ARHGAP21: variants seen among roughly 807,000 people sequenced by gnomAD.
ARHGAP21 encodes the protein Rho GTPase activating protein 21.
Under a neutral mutation model 164.6 loss-of-function variants are expected in ARHGAP21, and 38 were observed. The ratio of observed to expected loss-of-function variants is 0.23; its 90% CI spans 0.18 to 0.30. The LOEUF (loss-of-function observed/expected upper bound fraction) is 0.30. ARHGAP21 is among the 10% of genes least tolerant of loss of function. ARHGAP21 has a pLI of 1.00. For synonymous variants in ARHGAP21, 766 were observed against 857.9 expected, an observed-to-expected ratio of 0.89 and a Z score of 1.87; for missense variants, 1,822 against 2,370.7, an observed-to-expected ratio of 0.77 and a Z score of 4.81.
chr10:24,607,672 T>C, intron 10 of ARHGAP21, 71 bp from the exon 11 acceptor site: 1 of 1,609,738 alleles, frequency 6.2e-7, no homozygotes, highest in African/African-American at 1.3e-5. Flanking sequence ...GGTGGAAACA[T>C]CAGTTTATCA....
intron 4 of ARHGAP21, among the ~76,000 whole-genome samples, chr10:24,637,053 A>C (rs978963146): frequency 1.3e-5 from 2 of 152,204 alleles, no homozygotes; most frequent in African/African-American, 4.8e-5. Context: ...CAAGATGGGC[A>C]TTATGATCCT....
chr10:24,686,284 C>T (rs1191032462), intron 2 of ARHGAP21, among the ~76,000 whole-genome samples: 1 of 151,956 alleles, frequency 6.6e-6, no homozygotes, highest in African/African-American at 2.4e-5. Context: ...TAAAAATCAG[C>T]CAGACATAGT....
intron 9 of ARHGAP21, among the ~76,000 whole-genome samples, chr10:24,612,592 C>G (rs542016283): frequency 8.5e-5 from 13 of 152,308 alleles, no homozygotes; most frequent in Admixed American, 7.8e-4. Context: ...TGGTGGCTCA[C>G]GCCTGTAATC....
chr10:24,704,472 T>C (rs1421853772), intron 2 of ARHGAP21, among the ~76,000 whole-genome samples: 1 of 149,640 alleles, frequency 6.7e-6, no homozygotes, highest in Non-Finnish European at 1.5e-5. Flanking sequence ...TCTATTTTTT[T>C]TTTTCTTTTT....
chr10:24,612,728 G>A lies in ARHGAP21; in HGVS notation c.2423-4825C>T, dbSNP rs1014931420. On this transcript the variant is annotated intron_variant, in intron 9 of 25. Coordinates refer to ENST00000396432, the MANE Select transcript of ARHGAP21 (RefSeq NM_020824.4). ...AAATTAGCCAGGTGTGGTGGCGGAC[G>A]CCTATAGTCCCAGCTACTCGGGAGG... 5.3e-5 allele frequency among the ~76,000 whole-genome samples: 8 copies of A among 152,216 alleles called. No homozygotes were observed. In the East Asian group the frequency reaches 9.7e-4, roughly 18 times the overall value.
At chr10:24,645,517 T>C (rs186433059) in intron 4 of ARHGAP21, among the ~76,000 whole-genome samples, 148 of 148,914 alleles carry the variant, frequency 9.9e-4, no homozygotes, top group East Asian at 7.7e-3. Flanking sequence ...CCAGAAAGCA[T>C]AGGATCCAGT....
chr10:24,619,526 T>C lies in ARHGAP21; in HGVS notation c.2369A>G (p.Lys790Arg). 1 of 1,614,128 alleles carries C rather than the reference T, an allele frequency of 6.2e-7. No individual in the cohort carries two copies. Among genetic ancestry groups the C allele is most frequent in the Non-Finnish European group, 8.5e-7 (1 of 1,180,012 alleles). Residue 790 changes from lysine to arginine, a missense_variant, in exon 9 of 26, where the codon AAA (lysine) becomes AGA (arginine). This residue lies in a region of ARHGAP21 where 1,090 missense variants were observed against 1,378.9 expected (regional missense o/e 0.79). Coordinates refer to ENST00000396432, the MANE Select transcript of ARHGAP21 (RefSeq NM_020824.4). ...GCCAGGCGGACTGGTACTCGAGGCTTTTCTTTCCTCCATTCTTTTTATGTG... is the reference window on the plus strand; with the variant it reads ...GCCAGGCGGACTGGTACTCGAGGCTCTTCTTTCCTCCATTCTTTTTATGTG... ...EVHIKRMEER[K>R]ASSTSPPGDS...
Position 24,670,387 on chromosome 10 carries a change from T to G in ARHGAP21, c.74A>C (p.Asn25Thr). The change falls in exon 3 of 26, where the codon AAT becomes ACT. Residue 25 changes from asparagine to threonine, a missense_variant. This residue lies in a region of ARHGAP21 where 1,090 missense variants were observed against 1,378.9 expected (regional missense o/e 0.79). Coordinates refer to ENST00000396432, the MANE Select transcript of ARHGAP21 (RefSeq NM_020824.4). The stretch of plus-strand genomic sequence containing the variant: ...TTCACTTTGTTCTTTTCCATCTTTA[T>G]TTTTTGAGACCTAAAGTGAAAAGAT... The part of the protein sequence containing the change: ...DKLKACEVSK[N>T]KDGKEQSETV... 1 of 1,591,334 alleles carries G rather than the reference T, an allele frequency of 6.3e-7. No individual in the cohort carries two copies. Among genetic ancestry groups the G allele is most frequent in the Non-Finnish European group, 8.6e-7 (1 of 1,168,030 alleles).
Position 24,584,367 on chromosome 10 carries a change from T to C in ARHGAP21, c.*45A>G. 1 of 1,522,344 alleles carries C rather than the reference T, an allele frequency of 6.6e-7. No homozygotes were observed. The highest frequency in any genetic ancestry group is 8.8e-7 in the Non-Finnish European group (1 of 1,135,146). The allele number at this position is 1,522,344 out of a possible 1,614,324, so 94.3% of individuals were successfully genotyped here. ...AAATATTGACAGAGTTACTGGAACG[T>C]GTAACAGTAGTTTTTTTACTTGCTA... On this transcript the variant is annotated 3_prime_UTR_variant, in exon 26 of 26. Coordinates refer to ENST00000396432, the MANE Select transcript of ARHGAP21 (RefSeq NM_020824.4).
At position 24,620,234 on chromosome 10, in the gene ARHGAP21, C is replaced by T. The variant is rs749708727; in HGVS notation, c.1661G>A (p.Arg554Gln). The part of the protein sequence containing the change: ...PRQQEIHKSF[R>Q]GSNFTVAPSV... ...TGGAGCCACAGTAAAATTGGAACCT[C>T]GAAAAGATTTATGAATTTCTTGCTG... Residue 554 changes from arginine to glutamine, a missense_variant, in exon 9 of 26, where the codon CGA (arginine) becomes CAA (glutamine). Arg to Gln is a conservative substitution (Grantham distance 43). Transcript: ENST00000396432. 1.7e-5 allele frequency: 28 copies of T among 1,613,780 alleles called. No individual in the cohort carries two copies. Among genetic ancestry groups the T allele is most frequent in the Non-Finnish European group, 2.4e-5 (28 of 1,179,878 alleles).
At chr10:24,601,272 A>C (rs1332251136) in intron 13 of ARHGAP21, among the ~76,000 whole-genome samples, 1 of 152,268 alleles carries the variant, frequency 6.6e-6, no homozygotes, top group Non-Finnish European at 1.5e-5. Context: ...AAACCTGTTG[A>C]GTGAAAGACT....
chr10:24,702,772 G>T (rs954990589), intron 2 of ARHGAP21, among the ~76,000 whole-genome samples: 1 of 151,932 alleles, frequency 6.6e-6, no homozygotes, highest in African/African-American at 2.4e-5. Context: ...TAAAGATGAG[G>T]TCTCACTATA....
chr10:24,666,973 T>G lies in ARHGAP21; in HGVS notation c.268+12A>C. On this transcript the variant is annotated intron_variant, in intron 4 of 25. Coordinates refer to ENST00000396432, the MANE Select transcript of ARHGAP21 (RefSeq NM_020824.4). ...AAACATTCAGAGATAAATTAAAATG[T>G]TTATAGCATACCTCCTCTGTTTCCA... 7.0e-7 allele frequency: 1 copy of G among 1,432,070 alleles called. No homozygotes were observed. The highest frequency in any genetic ancestry group is 9.6e-7 in the Non-Finnish European group (1 of 1,042,688). 88.7% of individuals were successfully genotyped at this position (1,432,070 alleles called of 1,614,324 possible). A position where few individuals can be genotyped will look rare whatever the true frequency, so the allele number is the denominator to read the frequency against.
Position 24,607,821 on chromosome 10 carries a change from G to A in ARHGAP21, c.2505C>T (p.Val835=). Residue 835 remains valine, a synonymous_variant, in exon 10 of 26, where the codon GTC becomes GTT. Coordinates refer to ENST00000396432, the MANE Select transcript of ARHGAP21 (RefSeq NM_020824.4). The part of the protein sequence containing the change: ...SAVISASTSQ[V]PSIATVPPCL... The stretch of plus-strand genomic sequence containing the variant: ...AAGGAGGAACTGTTGCTATGGAGGG[G>A]ACCTGAGAGGTAGAGGCTGATATAA... 6.2e-7 allele frequency: 1 copy of A among 1,614,104 alleles called. No homozygotes were observed. The highest frequency in any genetic ancestry group is 2.2e-5 in the East Asian group (1 of 44,876).
chr10:24,630,168 CTTA>C (rs1168803777), intron 6 of ARHGAP21, 118 bp from the exon 7 acceptor site: 5 of 506,590 alleles, frequency 9.9e-6, no homozygotes, highest in Non-Finnish European at 1.7e-5. Flanking sequence ...TTCTGGTTTT[CTTA>C]TATCTTAATT....
chr10:24,591,413 C>T, intron 23 of ARHGAP21, 83 bp from the exon 24 acceptor site: 4 of 1,270,890 alleles, frequency 3.1e-6, no homozygotes, highest in Non-Finnish European at 4.5e-6. Context: ...GTAAAAGACA[C>T]ATTACTAAGT....
intron 2 of ARHGAP21, among the ~76,000 whole-genome samples, chr10:24,695,579 AAAG>A (rs1371270983): frequency 6.6e-6 from 1 of 151,940 alleles, no homozygotes; most frequent in African/African-American, 2.4e-5. Context: ...AAAAAAAAAA[AAAG>A]AATAGAATTT....
At chr10:24,708,624 C>G (rs1266530802) in intron 2 of ARHGAP21, among the ~76,000 whole-genome samples, 1 of 152,240 alleles carries the variant, frequency 6.6e-6, no homozygotes, top group Non-Finnish European at 1.5e-5. Context: ...CTTCCACTCT[C>G]TACACCCATG....
At chr10:24,674,490 C>T (rs1236137944) in intron 2 of ARHGAP21, among the ~76,000 whole-genome samples, 2 of 152,096 alleles carry the variant, frequency 1.3e-5, no homozygotes, top group Non-Finnish European at 2.9e-5. Flanking sequence ...CACTGCACTC[C>T]AGCCTGGGCA....
Sources: allele counts gnomAD v4.1 joint callset (sites outside exome capture counted in the v4.1 genomes callset), GRCh38; gene constraint gnomAD v4.1.1; regional missense constraint gnomAD v4.1.1; transcripts MANE v1.5; gene names NCBI Gene and HGNC (gene_info 2026-07-23, HGNC 2026-07-21).